The following SPON1 variants were observed in gnomAD, a reference collection of about 807,000 sequenced individuals.
SPON1 encodes spondin-1.
A neutral mutation model predicts 111.7 loss-of-function variants in SPON1; 52 were observed. The ratio of observed to expected loss-of-function variants is 0.47; its 90% confidence interval spans 0.37 to 0.59. The LOEUF (loss-of-function observed/expected upper bound fraction) is 0.59, where lower values mean the gene tolerates loss of function less well. Among genes scored for constraint, SPON1 ranks in the 20% least tolerant of loss-of-function variants. The pLI is 0.00. For missense variants in SPON1, 957 were observed against 1,068.5 expected (o/e 0.90, Z 1.46); for synonymous variants, 410 against 395.8 (o/e 1.04, Z -0.43).
At chr11:14,121,071 A>C (rs561867424) in intron 5 of SPON1, among the ~76,000 whole-genome samples, 1 of 152,354 alleles carries the variant, frequency 6.6e-6, no homozygotes, top group East Asian at 1.9e-4. Context: ...AGTCAGACTC[A>C]AAAGGCTACA....
chr11:13,995,607 C>T (rs782293955), intron 2 of SPON1, among the ~76,000 whole-genome samples: 5 of 152,164 alleles, frequency 3.3e-5, no homozygotes, highest in Non-Finnish European at 5.9e-5. Context: ...CTCCCCTACA[C>T]ATGGGGATTA....
At chr11:14,249,115 C>T (rs1301947496) in intron 7 of SPON1, among the ~76,000 whole-genome samples, 1 of 152,182 alleles carries the variant, frequency 6.6e-6, no homozygotes, top group Non-Finnish European at 1.5e-5. Context: ...AAAATGAATC[C>T]TGCAAACCAC....
chr11:14,160,457 A>G (rs868979162), intron 6 of SPON1, among the ~76,000 whole-genome samples: 1 of 7,686 alleles, frequency 1.3e-4, no homozygotes, highest in African/African-American at 4.9e-4. Flanking sequence ...ATATATATTT[A>G]TATATATATA....
intron 6 of SPON1, among the ~76,000 whole-genome samples, chr11:14,229,929 T>C (rs1468359659): frequency 6.9e-6 from 1 of 144,478 alleles, no homozygotes; most frequent in African/African-American, 2.6e-5. Context: ...TGTGTGTGTG[T>C]CTGTCTGTCT....
At chr11:14,206,410 C>A (rs1554936202) in intron 6 of SPON1, among the ~76,000 whole-genome samples, 1 of 152,188 alleles carries the variant, frequency 6.6e-6, no homozygotes, top group Non-Finnish European at 1.5e-5. Flanking sequence ...TCAGGCTGGT[C>A]TCGAACTCCT....
At chr11:14,021,851 G>A (rs188096492) in intron 2 of SPON1, among the ~76,000 whole-genome samples, 1 of 152,294 alleles carries the variant, frequency 6.6e-6, no homozygotes, top group East Asian at 1.9e-4. Context: ...ACAATTCAAT[G>A]GCTTGCGTCT....
At chr11:13,983,324 A>T (rs1285247795) in intron 2 of SPON1, among the ~76,000 whole-genome samples, 3 of 152,234 alleles carry the variant, frequency 2.0e-5, no homozygotes, top group African/African-American at 7.2e-5. Context: ...AGAGCTCGGG[A>T]CCGCCAGGCT....
intron 15 of SPON1, among the ~76,000 whole-genome samples, chr11:14,264,703 T>C (rs1849242757): frequency 6.6e-6 from 1 of 152,186 alleles, no homozygotes; most frequent in Non-Finnish European, 1.5e-5. Context: ...TGTAGTGTGG[T>C]TAACAAATAT....
At chr11:14,210,682 T>A (rs1447989284) in intron 6 of SPON1, among the ~76,000 whole-genome samples, 6 of 152,156 alleles carry the variant, frequency 3.9e-5, no homozygotes, top group Non-Finnish European at 7.3e-5. Context: ...ATTACAGGCA[T>A]GAGCCACCGC....
intron 5 of SPON1, among the ~76,000 whole-genome samples, chr11:14,100,978 C>G (rs1849138850): frequency 6.6e-6 from 1 of 152,158 alleles, no homozygotes; most frequent in African/African-American, 2.4e-5. Flanking sequence ...CCTAGGTGAT[C>G]AAATCTCTCT....
intron 5 of SPON1, among the ~76,000 whole-genome samples, chr11:14,081,745 G>C (rs898060314): frequency 6.6e-6 from 1 of 152,246 alleles, no homozygotes; most frequent in South Asian, 2.1e-4. Context: ...AGGTCCCAAA[G>C]GAAAGGGGGA....
intron 3 of SPON1, among the ~76,000 whole-genome samples, chr11:14,063,214 T>C (rs1383965686): frequency 1.3e-5 from 2 of 152,172 alleles, no homozygotes; most frequent in African/African-American, 4.8e-5. Context: ...TGAAAACAAT[T>C]TGCAGTACCT....
Position 14,155,876 on chromosome 11 carries a change from C to G in SPON1, c.825+20308C>G, listed in dbSNP as rs552580946. On this transcript the variant is annotated intron_variant, in intron 6 of 15. Transcript: ENST00000576479. ...AGTATTCCATGGTGTATATGTGCCA[C>G]ATTTTCTTAATCCAGTCTATCATTG... Among the ~76,000 whole-genome samples the G allele has an allele frequency of 2.3e-5, 3 of 128,654 alleles. 1 individual carries two copies. Among genetic ancestry groups the G allele is most frequent in the African/African-American group, 8.3e-5 (3 of 36,196 alleles). The allele number at this position is 128,654 out of a possible 152,430, so 84.4% of individuals were successfully genotyped here.
intron 5 of SPON1, among the ~76,000 whole-genome samples, chr11:14,132,774 T>C (rs1472192110): frequency 6.6e-6 from 1 of 152,212 alleles, no homozygotes; most frequent in Non-Finnish European, 1.5e-5. Flanking sequence ...TTATACTGAA[T>C]TAAAGGCAAG....
rs569263335 is a variant in SPON1, at chr11:14,136,794, A to T, written c.825+1226A>T. ...TAAGAGTGCATGCTATTCATCCAAG[A>T]TGAGCTATCTAACTATGCTCTGTTT... On this transcript the variant is annotated intron_variant, in intron 6 of 15. Transcript: ENST00000576479. Among the ~76,000 whole-genome samples the T allele has an allele frequency of 7.2e-5, 11 of 152,332 alleles. 1 individual carries two copies. The highest frequency in any genetic ancestry group is 2.6e-4 in the African/African-American group (11 of 41,596).
chr11:14,185,338 A>G (rs1003387500), intron 6 of SPON1, among the ~76,000 whole-genome samples: 14 of 152,136 alleles, frequency 9.2e-5, no homozygotes, highest in Non-Finnish European at 2.9e-5. Context: ...ACCATCCAAG[A>G]TCTATATGTA....
chr11:14,190,619 C>T (rs1306688182), intron 6 of SPON1, among the ~76,000 whole-genome samples: 2 of 148,516 alleles, frequency 1.3e-5, no homozygotes, highest in African/African-American at 5.0e-5. Flanking sequence ...TCCTCCCTTG[C>T]TTCTTTTCTT....
rs1268593818 is a variant in SPON1, at chr11:14,268,119, T to C, written c.*2432T>C. 6.6e-6 allele frequency among the ~76,000 whole-genome samples: 1 copy of C among 152,244 alleles called. No homozygotes were observed. Among genetic ancestry groups the C allele is most frequent in the Non-Finnish European group, 1.5e-5 (1 of 68,052 alleles). On this transcript the variant is annotated 3_prime_UTR_variant, in exon 16 of 16. Transcript: ENST00000576479. ...AGAACTGAAAAAATAAACATCGTGC[T>C]GTTTTTAATTTGAACTTTGCATATT...
chr11:14,256,938 T>A (rs1849115680), intron 10 of SPON1, among the ~76,000 whole-genome samples: 1 of 152,148 alleles, frequency 6.6e-6, no homozygotes, highest in Admixed American at 6.5e-5. Context: ...AACAATCATG[T>A]AAATCTCATT....
Sources: allele counts gnomAD v4.1 joint callset (sites outside exome capture counted in the v4.1 genomes callset), GRCh38; gene constraint gnomAD v4.1.1; transcripts MANE v1.5; gene names NCBI Gene and HGNC (gene_info 2026-07-23, HGNC 2026-07-21).